The following MAP3K7 variants were observed in gnomAD, a reference collection of about 807,000 sequenced individuals.
MAP3K7 encodes the protein mitogen-activated protein kinase kinase kinase 7.
Under a neutral mutation model 84.8 loss-of-function variants are expected in MAP3K7, and 21 were observed. That is an observed-to-expected ratio of 0.25 (90% CI 0.18 to 0.36). The LOEUF is 0.36. MAP3K7 is among the 10% of genes least tolerant of loss of function. MAP3K7 has a pLI of 1.00. For missense variants in MAP3K7, 503 were observed against 747.7 expected, an observed-to-expected ratio of 0.67 and a Z score of 3.82; for synonymous variants, 241 against 247.7, an observed-to-expected ratio of 0.97 and a Z score of 0.25.
At chr6:90,542,153 A>C in intron 12 of MAP3K7, 2 of 813,634 alleles carry the variant, frequency 2.5e-6, no homozygotes, top group Non-Finnish European at 3.0e-6. Flanking sequence ...TTTGGAAATT[A>C]AGTATCACCC....
At chr6:90,521,484 T>A (rs1775149191) in intron 14 of MAP3K7, among the ~76,000 whole-genome samples, 1 of 152,118 alleles carries the variant, frequency 6.6e-6, no homozygotes, top group African/African-American at 2.4e-5. Flanking sequence ...AGTCTCATCA[T>A]TTTATGAAAA....
chr6:90,517,524 G>A (rs749982199), intron 16 of MAP3K7, among the ~76,000 whole-genome samples: 1 of 151,684 alleles, frequency 6.6e-6, no homozygotes, highest in Non-Finnish European at 1.5e-5. Context: ...AATGATTAAA[G>A]TATGGCAAAA....
intron 2 of MAP3K7, 124 bp downstream of exon 2, chr6:90,571,573 C>A: frequency 2.0e-6 from 1 of 494,854 alleles, no homozygotes; most frequent in Non-Finnish European, 3.5e-6. Context: ...TTTGATTAAA[C>A]CGAATTGCTG....
chr6:90,516,636 T>C lies in MAP3K7; in HGVS notation c.1686A>G (p.Gln562=), dbSNP rs1193870624. 19 of 1,610,784 alleles carry C rather than the reference T, an allele frequency of 1.2e-5. No homozygotes were observed. The highest frequency in any genetic ancestry group is 2.2e-5 in the East Asian group (1 of 44,834). ...GTTCCTGTACCAGGCGAGATGTATT[T>C]TGCTGGTCCTTTTCATCCTGGTCCA... The part of the protein sequence containing the change: ...AELDQDEKDQ[Q]NTSRLVQEHK... Residue 562 remains glutamine (Q), a synonymous_variant, in exon 17 of 17, where the codon CAA becomes CAG. Transcript: ENST00000369329.
intron 5 of MAP3K7, among the ~76,000 whole-genome samples, chr6:90,557,496 C>T (rs1471815050): frequency 6.6e-6 from 1 of 152,022 alleles, no homozygotes; most frequent in East Asian, 1.9e-4. Context: ...TTCCATAATA[C>T]CAAAAAGACT....
At chr6:90,574,054 T>G (rs925272686) in intron 1 of MAP3K7, among the ~76,000 whole-genome samples, 1 of 152,226 alleles carries the variant, frequency 6.6e-6, no homozygotes, top group Non-Finnish European at 1.5e-5. Context: ...AGACTTGAGT[T>G]TGAATGTAGG....
chr6:90,538,555 C>T (rs1026058070), intron 12 of MAP3K7, among the ~76,000 whole-genome samples: 2 of 151,828 alleles, frequency 1.3e-5, no homozygotes, highest in Non-Finnish European at 2.9e-5. Context: ...AATTCTGGAA[C>T]GTTCATGTCT....
intron 11 of MAP3K7, among the ~76,000 whole-genome samples, 179 bp from the exon 12 acceptor site, chr6:90,544,811 C>G (rs551246822): frequency 3.9e-5 from 6 of 152,132 alleles, no homozygotes; most frequent in African/African-American, 1.4e-4. Context: ...GATTAAAGAG[C>G]AAACAACTAC....
intron 14 of MAP3K7, among the ~76,000 whole-genome samples, chr6:90,522,946 A>C (rs1388130143): frequency 2.0e-5 from 3 of 152,196 alleles, no homozygotes; most frequent in African/African-American, 7.2e-5. Flanking sequence ...AATATAAATA[A>C]AAAATTTCAT....
At chr6:90,542,146 G>A (rs1582187874) in intron 12 of MAP3K7, 4 of 722,910 alleles carry the variant, frequency 5.5e-6, no homozygotes, top group Non-Finnish European at 6.8e-6. Flanking sequence ...AAGAAATTTT[G>A]GAAATTAAGT....
intron 14 of MAP3K7, 85 bp downstream of exon 14, chr6:90,523,593 T>C: frequency 3.6e-6 from 3 of 844,808 alleles, no homozygotes; most frequent in Non-Finnish European, 6.0e-6. Context: ...TGCCTGCCTT[T>C]GTAAACATTA....
intron 4 of MAP3K7, 52 bp downstream of exon 4, chr6:90,561,570 T>A (rs1776515619): frequency 1.4e-6 from 2 of 1,382,898 alleles, no homozygotes; most frequent in Non-Finnish European, 2.0e-6. Flanking sequence ...TATATTAAAA[T>A]TTTTCAAATT....
intron 4 of MAP3K7, among the ~76,000 whole-genome samples, chr6:90,560,907 T>C (rs1167400381): frequency 2.0e-5 from 3 of 152,018 alleles, no homozygotes; most frequent in Non-Finnish European, 4.4e-5. Flanking sequence ...AACAAAACAA[T>C]GTATATCAAG....
At chr6:90,519,958 C>G (rs9345022) in intron 14 of MAP3K7, among the ~76,000 whole-genome samples, 3,934 of 152,076 alleles carry the variant, frequency 0.026, 64 homozygotes, top group Middle Eastern at 0.044. Context: ...ATGCCGAAAA[C>G]AGTTAAGTTG....
At chr6:90,544,406 G>A (rs1775939183) in intron 12 of MAP3K7, 146 bp downstream of exon 12, 2 of 658,060 alleles carry the variant, frequency 3.0e-6, no homozygotes, top group Middle Eastern at 3.1e-4. Flanking sequence ...AATAAATGTA[G>A]TTTTTCAATC....
Position 90,574,222 on chromosome 6 carries a change from T to C in MAP3K7, c.121-2415A>G, listed in dbSNP as rs116241750. On this transcript the variant is annotated intron_variant, in intron 1 of 16. Coordinates refer to ENST00000369329, the MANE Select transcript of MAP3K7 (RefSeq NM_145331.3). ...AAATACTACAAAGAACAGTAAGTGC[T>C]TGGAATTGGGTATGAATCAGTGTAA... Among the ~76,000 whole-genome samples the C allele has an allele frequency of 5.9e-3, 901 of 152,326 alleles. 12 individuals are homozygous for C. The highest frequency in any genetic ancestry group is 0.021 in the African/African-American group (860 of 41,572).
intron 12 of MAP3K7, among the ~76,000 whole-genome samples, chr6:90,543,175 T>A (rs1021878796): frequency 1.3e-5 from 2 of 152,046 alleles, no homozygotes; most frequent in Admixed American, 1.3e-4. Context: ...CTGATCTCCA[T>A]GTAAAATGAT....
intron 1 of MAP3K7, among the ~76,000 whole-genome samples, chr6:90,572,627 C>T (rs1351911604): frequency 4.0e-5 from 6 of 149,938 alleles, no homozygotes; most frequent in Admixed American, 4.0e-4. Context: ...GGTAAATTTG[C>T]AAAACCCACC....
chr6:90,529,526 A>G (rs1775431882), intron 13 of MAP3K7, among the ~76,000 whole-genome samples: 1 of 152,188 alleles, frequency 6.6e-6, no homozygotes, highest in African/African-American at 2.4e-5. Flanking sequence ...GGTGTTGGAG[A>G]CAAGACAGCC....
Sources: allele counts gnomAD v4.1 joint callset (sites outside exome capture counted in the v4.1 genomes callset), GRCh38; gene constraint gnomAD v4.1.1; transcripts MANE v1.5; gene names NCBI Gene and HGNC (gene_info 2026-07-23, HGNC 2026-07-21).